DPYD: variants seen among roughly 807,000 people sequenced by gnomAD.
DPYD encodes the protein dihydropyrimidine dehydrogenase [NADP(+)].
A neutral mutation model predicts 116.2 loss-of-function variants in DPYD; 109 were observed. The observed-to-expected ratio is 0.94, with a 90% CI of 0.80 to 1.10. The LOEUF is 1.10. DPYD is among the 50% of genes least tolerant of loss of function. The pLI is 0.00. For missense variants in DPYD, 1,302 were observed against 1,254.5 expected (o/e 1.04, Z -0.57); for synonymous variants, 440 against 432.0 (o/e 1.02, Z -0.23).
chr1:97,373,451 T>C (rs1671414093), intron 16 of DPYD, 110 bp downstream of exon 16: 1 of 900,528 alleles, frequency 1.1e-6, no homozygotes. Context: ...TGGAAGTCTC[T>C]AGCCAGTCAT....
chr1:97,793,692 T>A (rs904721905), intron 3 of DPYD, among the ~76,000 whole-genome samples: 1 of 151,872 alleles, frequency 6.6e-6, no homozygotes, highest in Non-Finnish European at 1.5e-5. Context: ...TGACCATAAC[T>A]CATACCATAT....
At chr1:97,801,935 T>G (rs1373325065) in intron 3 of DPYD, among the ~76,000 whole-genome samples, 1 of 151,922 alleles carries the variant, frequency 6.6e-6, no homozygotes, top group Admixed American at 6.6e-5. Context: ...CTAATTTTCA[T>G]ACAAACTTAA....
intron 15 of DPYD, among the ~76,000 whole-genome samples, chr1:97,379,033 C>T (rs961705149): frequency 2.0e-5 from 3 of 152,192 alleles, no homozygotes; most frequent in African/African-American, 7.2e-5. Context: ...AGTAAATGCC[C>T]TGAAGCTTAA....
At chr1:97,423,739 A>G (rs1259100737) in intron 14 of DPYD, among the ~76,000 whole-genome samples, 1 of 152,160 alleles carries the variant, frequency 6.6e-6, no homozygotes, top group African/African-American at 2.4e-5. Context: ...CATACTGCAG[A>G]ATCTCTGCAA....
chr1:97,460,519 C>T (rs901115994), intron 13 of DPYD, among the ~76,000 whole-genome samples: 4 of 152,108 alleles, frequency 2.6e-5, no homozygotes, highest in Admixed American at 6.6e-5. Flanking sequence ...AAGTATGGTG[C>T]GTTGATATGC....
chr1:97,397,603 A>AT (rs1179396759), intron 14 of DPYD, among the ~76,000 whole-genome samples: 4 of 152,022 alleles, frequency 2.6e-5, no homozygotes, highest in Non-Finnish European at 5.9e-5. Flanking sequence ...AATGTCATAT[A>AT]ATTGGAATCA....
chr1:97,136,423 A>C (rs1653801276), intron 20 of DPYD, among the ~76,000 whole-genome samples: 1 of 152,206 alleles, frequency 6.6e-6, no homozygotes, highest in Non-Finnish European at 1.5e-5. Flanking sequence ...ACTGGGATTC[A>C]GTGGCACTCT....
chr1:97,603,270 A>G (rs1156638039), intron 8 of DPYD, among the ~76,000 whole-genome samples: 2 of 151,934 alleles, frequency 1.3e-5, no homozygotes, highest in African/African-American at 4.8e-5. Flanking sequence ...AATCATTAAT[A>G]ATAAAATACT....
intron 14 of DPYD, among the ~76,000 whole-genome samples, chr1:97,401,444 G>A (rs1183084359): frequency 6.6e-6 from 1 of 152,092 alleles, no homozygotes; most frequent in Non-Finnish European, 1.5e-5. Flanking sequence ...CTCCTGAGTA[G>A]CTGGGATTCC....
intron 4 of DPYD, among the ~76,000 whole-genome samples, chr1:97,723,527 C>A (rs77013890): frequency 0.012 from 1,851 of 151,426 alleles, 36 homozygotes; most frequent in African/African-American, 0.042. Context: ...CTAGTCCATT[C>A]GATTCATTAC....
chr1:97,330,190 T>A (rs1020559871), intron 16 of DPYD, among the ~76,000 whole-genome samples: 4 of 152,162 alleles, frequency 2.6e-5, no homozygotes, highest in Non-Finnish European at 5.9e-5. Context: ...AATACTGATT[T>A]TCCTGGCTTT....
intron 8 of DPYD, among the ~76,000 whole-genome samples, chr1:97,614,740 T>C (rs542837813): frequency 2.0e-5 from 3 of 152,272 alleles, no homozygotes; most frequent in Admixed American, 1.3e-4. Context: ...TACAGGATTA[T>C]TTAATGTTAC....
chr1:97,193,924 C>T (rs1658565594), intron 19 of DPYD, among the ~76,000 whole-genome samples: 2 of 152,182 alleles, frequency 1.3e-5, no homozygotes, highest in Admixed American at 1.3e-4. Context: ...AATGTCCCTT[C>T]TTCAAGGAGG....
chr1:97,821,156 C>A (rs1668906875), intron 3 of DPYD, among the ~76,000 whole-genome samples: 1 of 151,796 alleles, frequency 6.6e-6, no homozygotes, highest in African/African-American at 2.4e-5. Flanking sequence ...CATGGTGAAG[C>A]CCCATCTCTA....
At chr1:97,210,338 C>A (rs188434576) in intron 19 of DPYD, among the ~76,000 whole-genome samples, 2 of 152,044 alleles carry the variant, frequency 1.3e-5, no homozygotes, top group Non-Finnish European at 2.9e-5. Flanking sequence ...TTCTTTTACT[C>A]TTTCCTCAAA....
chr1:97,592,686 C>T (rs1239608015), intron 10 of DPYD, among the ~76,000 whole-genome samples: 1 of 152,124 alleles, frequency 6.6e-6, no homozygotes, highest in East Asian at 1.9e-4. Context: ...TTTTAGTATG[C>T]TAACTAACTA....
intron 20 of DPYD, among the ~76,000 whole-genome samples, chr1:97,185,734 TC>T: frequency 1.3e-5 from 2 of 152,298 alleles, no homozygotes; most frequent in African/African-American, 4.8e-5. Context: ...TCTGTAGAAT[TC>T]CATTTATGTG....
At chr1:97,609,209 C>G (rs1274057936) in intron 8 of DPYD, among the ~76,000 whole-genome samples, 1 of 151,826 alleles carries the variant, frequency 6.6e-6, no homozygotes, top group African/African-American at 2.4e-5. Context: ...TTAAAGAAGG[C>G]ATATTCTAAT....
chr1:97,162,148 CTGACTTCCACAGTGGT>C (rs1475449490), intron 20 of DPYD, among the ~76,000 whole-genome samples: 1 of 152,098 alleles, frequency 6.6e-6, no homozygotes, highest in Non-Finnish European at 1.5e-5. Flanking sequence ...AATCGCCACA[CTGACTTCCACAGTGGT>C]TGAACTAGTT....
Sources: allele counts gnomAD v4.1 joint callset (sites outside exome capture counted in the v4.1 genomes callset), GRCh38; gene constraint gnomAD v4.1.1; transcripts MANE v1.5; gene names NCBI Gene and HGNC (gene_info 2026-07-23, HGNC 2026-07-21).